The following C1orf50 variants were observed in gnomAD, a reference collection of about 807,000 sequenced individuals.
C1orf50 encodes the protein uncharacterized protein C1orf50.
Under a neutral mutation model 23.3 loss-of-function variants are expected in C1orf50, and 22 were observed. The observed-to-expected ratio is 0.94, with a 90% confidence interval of 0.67 to 1.35. The LOEUF is 1.35. C1orf50 is among the 40% of genes most tolerant of loss of function. C1orf50 has a pLI of 0.00. For missense variants in C1orf50, 271 were observed against 249.4 expected (o/e 1.09, Z -0.58); for synonymous variants, 96 against 102.4 (o/e 0.94, Z 0.38).
rs986215307 is a variant in C1orf50 at position 42,776,551 on chromosome 1, C to T, written c.*1157C>T. On this transcript the variant is annotated 3_prime_UTR_variant, in exon 5 of 5. Transcript: ENST00000372525. Reference sequence around the variant, plus strand: ...ATGCTGATCTGTTTGGTAATACCCTCCCCGGGCCGCCCCCCGATTCATGGT... The same window carrying T: ...ATGCTGATCTGTTTGGTAATACCCTTCCCGGGCCGCCCCCCGATTCATGGT... The T allele has an allele frequency of 1.3e-5, 2 of 152,434 alleles. No homozygotes were observed. Among genetic ancestry groups the T allele is most frequent in the Non-Finnish European group, 2.9e-5 (2 of 68,262 alleles). 9.4% of individuals were successfully genotyped at this position (152,434 alleles called of 1,614,324 possible).
intron 2 of C1orf50, among the ~76,000 whole-genome samples, chr1:42,768,567 T>C (rs1015112614): frequency 7.2e-5 from 11 of 152,190 alleles, no homozygotes; most frequent in Non-Finnish European, 4.4e-5. Context: ...AATCCTTTTT[T>C]TTTTAAAATT....
intron 3 of C1orf50, 100 bp downstream of exon 3, chr1:42,773,749 C>T (rs1653273026): frequency 5.6e-6 from 4 of 713,970 alleles, no homozygotes; most frequent in Non-Finnish European, 9.7e-6. Flanking sequence ...GTCTTTAATA[C>T]CTCCTAGAAA....
At position 42,775,501 on chromosome 1, in the gene C1orf50, T is replaced by G; in HGVS notation, c.*107T>G. 1 of 964,190 alleles carries G rather than the reference T, an allele frequency of 1.0e-6. No homozygotes were observed. The highest frequency in any genetic ancestry group is 1.5e-6 in the Non-Finnish European group (1 of 664,220). The allele number at this position is 964,190 out of a possible 1,614,324, so 59.7% of individuals were successfully genotyped here. A position where few individuals can be genotyped will look rare whatever the true frequency, so the allele number is the denominator to read the frequency against. ...ACATGTAGGTGACTCACAAACTTCT[T>G]GGAAAGAGACCCTGTGTGAATGTAA... On this transcript the variant is annotated 3_prime_UTR_variant, in exon 5 of 5. Coordinates refer to ENST00000372525, the MANE Select transcript of C1orf50 (RefSeq NM_024097.4).
intron 2 of C1orf50, among the ~76,000 whole-genome samples, chr1:42,773,034 CTTTCT>C (rs1653257331): frequency 6.6e-6 from 1 of 152,164 alleles, no homozygotes; most frequent in Non-Finnish European, 1.5e-5. Flanking sequence ...AACCCGAATA[CTTTCT>C]ATGTGTATCT....
At chr1:42,770,656 G>A (rs1192322204) in intron 2 of C1orf50, among the ~76,000 whole-genome samples, 2 of 151,992 alleles carry the variant, frequency 1.3e-5, no homozygotes, top group Middle Eastern at 3.2e-3. Flanking sequence ...GGTCTCAAAC[G>A]CCCGACCTCA....
chr1:42,772,494 G>A (rs1011795854), intron 2 of C1orf50, among the ~76,000 whole-genome samples: 24 of 152,222 alleles, frequency 1.6e-4, no homozygotes, highest in African/African-American at 5.8e-4. Flanking sequence ...TTTAAGAAAT[G>A]TCCTGGCTGG....
chr1:42,776,853 G>T lies in C1orf50; in HGVS notation c.*1459G>T, dbSNP rs569550326. 6.6e-6 allele frequency: 1 copy of T among 152,324 alleles called. No individual in the cohort carries two copies. The highest frequency in any genetic ancestry group is 2.1e-4 in the South Asian group (1 of 4,832). The allele number at this position is 152,324 out of a possible 1,614,324, so 9.4% of individuals were successfully genotyped here. A position where few individuals can be genotyped will look rare whatever the true frequency, so the allele number is the denominator to read the frequency against. ...CATGATGATGACACATTTTGAATAG[G>T]TGCTTTATTAGTTACAGATAAACAA... On this transcript the variant is annotated 3_prime_UTR_variant, in exon 5 of 5. Coordinates refer to ENST00000372525, the MANE Select transcript of C1orf50 (RefSeq NM_024097.4).
chr1:42,771,990 A>G lies in C1orf50; in HGVS notation c.196-1573A>G, dbSNP rs1422231735. Among the ~76,000 whole-genome samples, 42 of 152,082 alleles carry G rather than the reference A, an allele frequency of 2.8e-4. 2 individuals are homozygous for G. Among genetic ancestry groups the G allele is most frequent in the Non-Finnish European group, 5.9e-5 (4 of 67,952 alleles). On this transcript the variant is annotated intron_variant, in intron 2 of 4. Coordinates refer to ENST00000372525, the MANE Select transcript of C1orf50 (RefSeq NM_024097.4). The stretch of plus-strand genomic sequence containing the variant: ...ACTCTGCCTCAAAAAAAAAAAAAAA[A>G]AGTATTGTTAGAATTAATTTACTAT...
In C1orf50 at chr1:42,775,507, G is replaced by A. The variant is rs988646883; in HGVS notation, c.*113G>A. 1.9e-5 allele frequency: 17 copies of A among 891,938 alleles called. No homozygotes were observed. The African/African-American group carries it at 2.8e-4, about 15-fold the overall frequency. The allele number at this position is 891,938 out of a possible 1,614,324, so 55.3% of individuals were successfully genotyped here. ...AGGTGACTCACAAACTTCTTGGAAA[G>A]AGACCCTGTGTGAATGTAAATGCTG... is the stretch of plus-strand genomic sequence containing the variant. On this transcript the variant is annotated 3_prime_UTR_variant, in exon 5 of 5. Coordinates refer to ENST00000372525, the MANE Select transcript of C1orf50 (RefSeq NM_024097.4).
In C1orf50 at chr1:42,773,611, G is replaced by A. The variant is rs1653270067; in HGVS notation, c.244G>A (p.Ala82Thr). The part of the protein sequence containing the change: ...ANATNKLTVI[A>T]EQIQHLQEQA... ...TGCCACCAACAAGCTGACAGTCATA[G>A]CTGAGCAAATCCAACATTTGCAAGA... Residue 82 changes from alanine (A) to threonine (T), a missense_variant, in exon 3 of 5, where the codon GCT (alanine) becomes ACT (threonine). By Grantham distance (58) the Ala-to-Thr change is moderately conservative. Transcript: ENST00000372525. 1 of 1,613,102 alleles carries A rather than the reference G, an allele frequency of 6.2e-7. No individual in the cohort carries two copies. Among genetic ancestry groups the A allele is most frequent in the African/African-American group, 1.3e-5 (1 of 75,018 alleles).
intron 2 of C1orf50, among the ~76,000 whole-genome samples, chr1:42,770,214 G>T (rs1268342355): frequency 6.6e-6 from 1 of 151,702 alleles, no homozygotes; most frequent in South Asian, 2.1e-4. Context: ...CATTTTTTTT[G>T]TTTGTTTCTT....
Position 42,775,246 on chromosome 1 carries a change from C to T in C1orf50, c.452C>T (p.Ala151Val). The T allele has an allele frequency of 1.9e-6, 3 of 1,602,960 alleles. No homozygotes were observed. Among genetic ancestry groups the T allele is most frequent in the Non-Finnish European group, 2.6e-6 (3 of 1,170,672 alleles). ...AGTTGTCCACATGACTTCCTTGGTG[C>T]CTACAAACTACAGCATGACTTGTCC... ...GTSCPHDFLG[A>V]YKLQHDLSWT... Residue 151 changes from alanine (A) to valine (V), a missense_variant, in exon 5 of 5, where the codon GCC becomes GTC. Coordinates refer to ENST00000372525, the MANE Select transcript of C1orf50 (RefSeq NM_024097.4).
At chr1:42,767,472 G>T (rs1479428083) in intron 1 of C1orf50, 37 bp from the exon 2 acceptor site, 19 of 1,556,452 alleles carry the variant, frequency 1.2e-5, no homozygotes, top group Admixed American at 9.7e-5. Flanking sequence ...GCCGACGGCG[G>T]GAGCTCACGG....
rs1553145767 is a variant in C1orf50 at position 42,775,762 on chromosome 1, T to TCATATATATATATATATATATA, written c.*368_*369insCATATATATATATATATATATA. 7.4e-6 allele frequency: 1 copy of TCATATATATATATATATATATA among 136,022 alleles called. No homozygotes were observed. The highest frequency in any genetic ancestry group is 2.7e-4 in the South Asian group (1 of 3,682). 8.4% of individuals were successfully genotyped at this position (136,022 alleles called of 1,614,324 possible). A position where few individuals can be genotyped will look rare whatever the true frequency, so the allele number is the denominator to read the frequency against. Reference sequence around the variant, plus strand: ...TCCAGAGAGAACTGTTTTCAGTCTTTTATATATATATATATATATATATAA... The same window carrying TCATATATATATATATATATATA: ...TCCAGAGAGAACTGTTTTCAGTCTTTCATATATATATATATATATATATATATATATATATATATATATATAA... On this transcript the variant is annotated 3_prime_UTR_variant, in exon 5 of 5. Coordinates refer to ENST00000372525, the MANE Select transcript of C1orf50 (RefSeq NM_024097.4).
intron 2 of C1orf50, among the ~76,000 whole-genome samples, chr1:42,771,528 A>T (rs1038372416): frequency 6.6e-6 from 1 of 152,222 alleles, no homozygotes; most frequent in East Asian, 1.9e-4. Context: ...TAAACACTAT[A>T]TTTTGAAGGC....
rs753595830 is a variant in C1orf50, at chr1:42,767,529, C to T, written c.100C>T (p.Pro34Ser). 4.1e-5 allele frequency: 65 copies of T among 1,588,174 alleles called. No homozygotes were observed. The highest frequency in any genetic ancestry group is 5.2e-5 in the Non-Finnish European group (61 of 1,167,962). Residue 34 changes from proline to serine, a missense_variant, in exon 2 of 5, where the codon CCG (proline) becomes TCG (serine). Pro to Ser is a moderately conservative substitution (Grantham distance 74). Coordinates refer to ENST00000372525, the MANE Select transcript of C1orf50 (RefSeq NM_024097.4). The part of the protein sequence containing the change: ...GQGGALVELT[P>S]TPGGLALVSP... ...CGCAGGAGCCCTGGTGGAGCTCACC[C>T]CGACCCCCGGCGGCCTGGCCCTGGT...
chr1:42,774,872 A>T lies in C1orf50; in HGVS notation c.414+4A>T. ...TTTTTCCATCATTTCTCCAAAGGTA[A>T]GAACATACATTGTTTGCCCAAAAAT... On this transcript the variant is annotated splice_donor_region_variant and intron_variant, in intron 4 of 4. Coordinates refer to ENST00000372525, the MANE Select transcript of C1orf50 (RefSeq NM_024097.4). 1 of 1,608,204 alleles carries T rather than the reference A, an allele frequency of 6.2e-7. No homozygotes were observed. The highest frequency in any genetic ancestry group is 2.2e-5 in the East Asian group (1 of 44,778).
intron 2 of C1orf50, among the ~76,000 whole-genome samples, chr1:42,769,507 C>T (rs1005946758): frequency 1.3e-5 from 2 of 151,072 alleles, no homozygotes; most frequent in Non-Finnish European, 2.9e-5. Flanking sequence ...GATCACACCA[C>T]TGCACTCCAG....
Position 42,775,762 on chromosome 1 carries a change from T to TTTTATA in C1orf50, c.*369_*370insTTATAT, listed in dbSNP as rs1553145768. 1 of 136,022 alleles carries TTTTATA rather than the reference T, an allele frequency of 7.4e-6. No homozygotes were observed. Among genetic ancestry groups the TTTTATA allele is most frequent in the South Asian group, 2.7e-4 (1 of 3,682 alleles). 8.4% of individuals were successfully genotyped at this position (136,022 alleles called of 1,614,324 possible). A position where few individuals can be genotyped will look rare whatever the true frequency, so the allele number is the denominator to read the frequency against. ...TCCAGAGAGAACTGTTTTCAGTCTT[T>TTTTATA]TATATATATATATATATATATATAA... On this transcript the variant is annotated 3_prime_UTR_variant, in exon 5 of 5. Coordinates refer to ENST00000372525, the MANE Select transcript of C1orf50 (RefSeq NM_024097.4).
Sources: gnomAD v4.1 joint callset for allele counts (sites outside exome capture counted in the v4.1 genomes callset) on GRCh38, gnomAD v4.1.1 for gene constraint, MANE v1.5 for transcripts, NCBI Gene and HGNC (gene_info 2026-07-23, HGNC 2026-07-21) for gene names.